Variants in SCAMP1 observed in about 807,000 individuals in gnomAD.
The protein encoded by SCAMP1 is secretory carrier-associated membrane protein 1.
In SCAMP1, 15 loss-of-function variants were observed where a neutral mutation model predicts 41.8. The observed-to-expected ratio is 0.36, with a 90% confidence interval of 0.24 to 0.55. The LOEUF (loss-of-function observed/expected upper bound fraction) is 0.55, where lower values mean the gene tolerates loss of function less well. Among genes scored for constraint, SCAMP1 ranks in the 20% least tolerant of loss-of-function variants. SCAMP1 has a pLI of 0.86. For missense variants in SCAMP1, 341 were observed against 412.6 expected (o/e 0.83, Z 1.50); for synonymous variants, 135 against 136.8 (o/e 0.99, Z 0.09).
At chr5:78,408,376 G>A (rs62362628) in intron 2 of SCAMP1, among the ~76,000 whole-genome samples, 45,250 of 151,968 alleles carry the variant, frequency 0.3, 7,071 homozygotes, top group East Asian at 0.54. Context: ...CCCATGACAC[G>A]TGGGAATTAT....
intron 6 of SCAMP1, among the ~76,000 whole-genome samples, chr5:78,422,797 A>G (rs1752369755): frequency 6.6e-6 from 1 of 152,182 alleles, no homozygotes; most frequent in African/African-American, 2.4e-5. Context: ...GGGTTCATAT[A>G]TTTAATAGTT....
intron 8 of SCAMP1, among the ~76,000 whole-genome samples, chr5:78,459,922 C>G (rs920678965): frequency 2.0e-5 from 3 of 152,132 alleles, no homozygotes; most frequent in South Asian, 4.2e-4. Context: ...CCCTCCCTCC[C>G]TTTTGGGTCC....
chr5:78,394,135 G>A (rs1349269159), intron 2 of SCAMP1, among the ~76,000 whole-genome samples: 1 of 152,188 alleles, frequency 6.6e-6, no homozygotes, highest in Non-Finnish European at 1.5e-5. Flanking sequence ...GGTACTGACA[G>A]TGTGAGGGGG....
At chr5:78,361,375 G>A (rs1750647105) in intron 1 of SCAMP1, among the ~76,000 whole-genome samples, 1 of 152,192 alleles carries the variant, frequency 6.6e-6, no homozygotes, top group Admixed American at 6.5e-5. Flanking sequence ...AAACATATCT[G>A]GAAAACAATA....
chr5:78,397,280 A>C (rs1390567544), intron 2 of SCAMP1, among the ~76,000 whole-genome samples: 1 of 152,232 alleles, frequency 6.6e-6, no homozygotes, highest in African/African-American at 2.4e-5. Flanking sequence ...CTGGATGTCC[A>C]CATACAGTAG....
At chr5:78,449,335 G>A (rs906695902) in intron 6 of SCAMP1, among the ~76,000 whole-genome samples, 1 of 152,132 alleles carries the variant, frequency 6.6e-6, no homozygotes. Context: ...TTTGATACAT[G>A]CCACAAAACT....
chr5:78,430,684 GGGC>G (rs1752599102), intron 6 of SCAMP1, among the ~76,000 whole-genome samples: 2 of 151,674 alleles, frequency 1.3e-5, no homozygotes, highest in Admixed American at 6.6e-5. Context: ...ATGGTCTTTT[GGGC>G]AAATTATTAG....
At chr5:78,470,936 C>T (rs1217731993) in intron 8 of SCAMP1, among the ~76,000 whole-genome samples, 1 of 152,108 alleles carries the variant, frequency 6.6e-6, no homozygotes, top group Admixed American at 6.6e-5. Flanking sequence ...GTATAGTCTC[C>T]TTAAGCCATA....
chr5:78,382,257 T>G (rs1285551203), intron 1 of SCAMP1, among the ~76,000 whole-genome samples: 1 of 152,230 alleles, frequency 6.6e-6, no homozygotes, highest in Non-Finnish European at 1.5e-5. Context: ...GGAAAATGCT[T>G]TTCATGTGAA....
At chr5:78,432,090 C>T (rs941252798) in intron 6 of SCAMP1, among the ~76,000 whole-genome samples, 5 of 151,894 alleles carry the variant, frequency 3.3e-5, no homozygotes, top group African/African-American at 1.2e-4. Flanking sequence ...ATTCATTAAC[C>T]ATCTCTACCT....
At chr5:78,400,860 GGAC>G (rs1430930945) in intron 2 of SCAMP1, among the ~76,000 whole-genome samples, 1 of 151,984 alleles carries the variant, frequency 6.6e-6, no homozygotes, top group Non-Finnish European at 1.5e-5. Flanking sequence ...ACATTAGTTA[GGAC>G]TTCTAGTACA....
chr5:78,432,338 A>G (rs569113335), intron 6 of SCAMP1, among the ~76,000 whole-genome samples: 2 of 152,108 alleles, frequency 1.3e-5, no homozygotes, highest in Admixed American at 6.6e-5. Context: ...ATCATATCAT[A>G]ATCTTTTTGC....
intron 1 of SCAMP1, among the ~76,000 whole-genome samples, chr5:78,386,713 A>G (rs1353169704): frequency 6.6e-6 from 1 of 152,170 alleles, no homozygotes; most frequent in East Asian, 1.9e-4. Flanking sequence ...TCCTTCATTT[A>G]TAAAGCTTAG....
intron 5 of SCAMP1, among the ~76,000 whole-genome samples, chr5:78,420,350 T>C (rs368235767): frequency 1.3e-5 from 2 of 152,394 alleles, no homozygotes; most frequent in East Asian, 3.8e-4. Context: ...TAAGTTAGAA[T>C]GTTCTTAAGG....
intron 1 of SCAMP1, among the ~76,000 whole-genome samples, chr5:78,377,107 G>GA (rs894006059): frequency 2.7e-5 from 4 of 149,790 alleles, no homozygotes; most frequent in South Asian, 4.2e-4. Context: ...GGGAGGTAAG[G>GA]AAAAAAAAAG....
intron 2 of SCAMP1, among the ~76,000 whole-genome samples, chr5:78,411,877 G>A (rs1256216827): frequency 6.6e-6 from 1 of 152,028 alleles, no homozygotes; most frequent in Non-Finnish European, 1.5e-5. Flanking sequence ...ATGTACTAGT[G>A]TATAATCCCA....
intron 1 of SCAMP1, among the ~76,000 whole-genome samples, chr5:78,381,201 C>T (rs1336919988): frequency 2.0e-5 from 3 of 152,086 alleles, no homozygotes; most frequent in Non-Finnish European, 4.4e-5. Flanking sequence ...GAACATTGAG[C>T]GTGGAGTGGA....
In SCAMP1 at chr5:78,418,825, T is replaced by C; in HGVS notation, c.394T>C (p.Cys132Arg). The change falls in exon 5 of 9, where the codon TGT becomes CGT. Residue 132 changes from cysteine to arginine, a missense_variant. Transcript: ENST00000621999. ...TCCTAGCAATTTTCCTGTCGGACCT[T>C]GTTTCTATCAGGATTTTTCTGTAGA... ...PLPSNFPVGP[C>R]FYQDFSVDIP... The C allele has an allele frequency of 6.3e-7, 1 of 1,577,982 alleles. No individual in the cohort carries two copies. The highest frequency in any genetic ancestry group is 1.8e-5 in the Admixed American group (1 of 54,888).
chr5:78,472,335 C>G (rs1306332904), intron 8 of SCAMP1, among the ~76,000 whole-genome samples: 7 of 151,892 alleles, frequency 4.6e-5, no homozygotes, highest in Non-Finnish European at 1.0e-4. Context: ...GTTTGCTGCA[C>G]CCATCAACCC....
Sources: gnomAD v4.1 joint callset for allele counts (sites outside exome capture counted in the v4.1 genomes callset) on GRCh38, gnomAD v4.1.1 for gene constraint, MANE v1.5 for transcripts, NCBI Gene and HGNC (gene_info 2026-07-23, HGNC 2026-07-21) for gene names.